The following METTL15 variants were observed in gnomAD, a reference collection of about 807,000 sequenced individuals.
The protein encoded by METTL15 is 12S rRNA N(4)-cytidine methyltransferase METTL15.
Under a neutral mutation model 38.3 loss-of-function variants are expected in METTL15, and 34 were observed. That is an observed-to-expected ratio of 0.89 (90% CI 0.68 to 1.18). The LOEUF is 1.18. METTL15 is among the 50% of genes most tolerant of loss of function. METTL15 has a pLI of 0.00. For synonymous variants in METTL15, 162 were observed against 170.9 expected, an observed-to-expected ratio of 0.95 and a Z score of 0.41; for missense variants, 438 against 498.4, an observed-to-expected ratio of 0.88 and a Z score of 1.15.
At chr11:28,314,859 G>T (rs527422250) in intron 6 of METTL15, among the ~76,000 whole-genome samples, 2 of 152,138 alleles carry the variant, frequency 1.3e-5, no homozygotes, top group Non-Finnish European at 2.9e-5. Flanking sequence ...TTTAAAAAAC[G>T]GGAGATGCCC....
At chr11:28,405,410 C>T (rs1163128345) in intron 5 of METTL15, among the ~76,000 whole-genome samples, 2 of 152,104 alleles carry the variant, frequency 1.3e-5, no homozygotes, top group Non-Finnish European at 2.9e-5. Flanking sequence ...CTGGTTTTCC[C>T]ATTTGGCCTT....
chr11:28,501,957 C>T (rs767841790), intron 6 of METTL15, among the ~76,000 whole-genome samples: 2 of 151,950 alleles, frequency 1.3e-5, no homozygotes, highest in Admixed American at 6.6e-5. Context: ...ACAAGTTAGC[C>T]GGGCGTGGTG....
chr11:28,296,892 C>G lies in METTL15; in HGVS notation c.739C>G (p.Pro247Ala), dbSNP rs777798106. The change falls in exon 6 of 7, where the codon CCC becomes GCC. Residue 247 changes from proline to alanine, a missense_variant. Physicochemically the swap from Pro to Ala is conservative, Grantham distance 27. Transcript: ENST00000407364. ...AATTGTTCAGGCACGCAGCATCTAC[C>G]CCATCACCAGAACCCAGCAGCTTGC... Reference protein sequence around the residue: ...SAIVQARSIYPITRTQQLASI... With the variant: ...SAIVQARSIYAITRTQQLASI... 3 of 1,613,534 alleles carry G rather than the reference C, an allele frequency of 1.9e-6. No individual in the cohort carries two copies. The highest frequency in any genetic ancestry group is 2.2e-5 in the South Asian group (2 of 91,072).
chr11:28,339,436 G>A (rs924072558), intron 3 of METTL15, among the ~76,000 whole-genome samples: 1 of 150,968 alleles, frequency 6.6e-6, no homozygotes, highest in East Asian at 2.0e-4. Flanking sequence ...CCATGGATTG[G>A]TTTAAGAGCA....
intron 6 of METTL15, among the ~76,000 whole-genome samples, chr11:28,520,141 A>C (rs1851753076): frequency 6.6e-6 from 1 of 152,042 alleles, no homozygotes; most frequent in African/African-American, 2.4e-5. Flanking sequence ...GGAATTAATG[A>C]CCAGCCTGGG....
At chr11:28,296,647 C>G (rs542059863) in intron 5 of METTL15, 106 bp from the exon 6 acceptor site, 9 of 1,183,586 alleles carry the variant, frequency 7.6e-6, no homozygotes, top group African/African-American at 1.5e-5. Flanking sequence ...CTCACTTCTC[C>G]TAGAGTATGT....
chr11:28,281,395 C>T (rs947404774), intron 4 of METTL15, among the ~76,000 whole-genome samples: 10 of 152,164 alleles, frequency 6.6e-5, no homozygotes, highest in African/African-American at 2.4e-4. Context: ...TCCTCAGTTT[C>T]TTCAGCTCTC....
intron 6 of METTL15, among the ~76,000 whole-genome samples, chr11:28,424,799 G>T (rs1378023072): frequency 1.3e-5 from 2 of 152,084 alleles, no homozygotes; most frequent in East Asian, 3.9e-4. Context: ...TTGCATGGCT[G>T]GTATGACACC....
chr11:28,477,219 C>G (rs1851354553), intron 6 of METTL15, among the ~76,000 whole-genome samples: 1 of 152,136 alleles, frequency 6.6e-6, no homozygotes, highest in Non-Finnish European at 1.5e-5. Flanking sequence ...GCGTCTCACC[C>G]AGGCTAGAGA....
chr11:28,288,580 C>T (rs1021676147), intron 4 of METTL15, among the ~76,000 whole-genome samples: 1 of 152,098 alleles, frequency 6.6e-6, no homozygotes, highest in Non-Finnish European at 1.5e-5. Flanking sequence ...CCAAATACCA[C>T]ATGCTCGTGG....
chr11:28,413,222 A>G (rs1345695100), intron 5 of METTL15, among the ~76,000 whole-genome samples: 1 of 152,014 alleles, frequency 6.6e-6, no homozygotes, highest in Non-Finnish European at 1.5e-5. Flanking sequence ...TTTCATCAAA[A>G]CAGATATTTA....
intron 3 of METTL15, among the ~76,000 whole-genome samples, chr11:28,188,802 GTTC>G (rs2133798461): frequency 6.6e-6 from 1 of 151,274 alleles, no homozygotes; most frequent in Non-Finnish European, 1.5e-5. Flanking sequence ...ATAGGTGCCA[GTTC>G]TTCTGTTCTC....
intron 3 of METTL15, among the ~76,000 whole-genome samples, chr11:28,203,536 T>G (rs573049882): frequency 1.3e-5 from 2 of 152,150 alleles, no homozygotes; most frequent in East Asian, 3.9e-4. Flanking sequence ...ATTATGTAAT[T>G]TCAGTGGGGA....
At chr11:28,216,555 G>C (rs1367807397) in intron 4 of METTL15, among the ~76,000 whole-genome samples, 2 of 151,822 alleles carry the variant, frequency 1.3e-5, no homozygotes, top group Non-Finnish European at 2.9e-5. Flanking sequence ...CAATCTAGTA[G>C]TGAGAAACTT....
chr11:28,390,446 T>G (rs1162508743), intron 5 of METTL15, among the ~76,000 whole-genome samples: 4 of 152,280 alleles, frequency 2.6e-5, no homozygotes, highest in Non-Finnish European at 5.9e-5. Context: ...TTTCTACATA[T>G]GGCTAGCCAG....
intron 4 of METTL15, among the ~76,000 whole-genome samples, chr11:28,285,799 GA>G (rs1305829060): frequency 6.6e-6 from 1 of 152,048 alleles, no homozygotes; most frequent in Non-Finnish European, 1.5e-5. Flanking sequence ...GCAAGTGTTA[GA>G]AAAACCTTCT....
At chr11:28,228,252 C>G (rs1853558182) in intron 4 of METTL15, among the ~76,000 whole-genome samples, 1 of 151,874 alleles carries the variant, frequency 6.6e-6, no homozygotes, top group African/African-American at 2.4e-5. Flanking sequence ...TCTGACTGCT[C>G]TTTTCCTTCT....
chr11:28,269,579 G>A (rs1855562952), intron 4 of METTL15, among the ~76,000 whole-genome samples: 1 of 152,098 alleles, frequency 6.6e-6, no homozygotes, highest in Admixed American at 6.5e-5. Flanking sequence ...TTGATTAGCT[G>A]CATAGTACTA....
rs533331031 is a variant in METTL15, at chr11:28,309,674, C to T, written c.778+12743C>T. Among the ~76,000 whole-genome samples the T allele has an allele frequency of 7.9e-5, 12 of 152,146 alleles. No individual in the cohort carries two copies. The East Asian group carries it at 2.1e-3, about 27-fold the overall frequency. On this transcript the variant is annotated intron_variant, in intron 6 of 6. Coordinates refer to ENST00000407364, the MANE Select transcript of METTL15 (RefSeq NM_001113528.2). ...CAAATAACTTTTTCTCTCTGGTTCT[C>T]GTTTATTTTCTTTCTTGTAAGGGGT... is the stretch of plus-strand genomic sequence containing the variant.
Sources: allele counts gnomAD v4.1 joint callset (sites outside exome capture counted in the v4.1 genomes callset), GRCh38; gene constraint gnomAD v4.1.1; transcripts MANE v1.5; gene names NCBI Gene and HGNC (gene_info 2026-07-23, HGNC 2026-07-21).